Variants in KIRREL3 observed in about 807,000 individuals in gnomAD.
The protein encoded by KIRREL3 is kin of IRRE-like protein 3.
In KIRREL3, 36 loss-of-function variants were observed where a neutral mutation model predicts 89.7. That is an observed-to-expected ratio of 0.40 (90% CI 0.31 to 0.53). The LOEUF is 0.53. Ranked by LOEUF, KIRREL3 falls within the 20% of genes least tolerant of loss-of-function variation. The probability of loss-of-function intolerance (pLI) is 0.49; values close to 1 mark genes in which losing one functional copy is unlikely to be tolerated. For missense variants in KIRREL3, 864 were observed against 1,056.6 expected (o/e 0.82, Z 2.53); for synonymous variants, 445 against 441.4 (o/e 1.01, Z -0.10).
At chr11:126,596,477 T>C (rs1942401174) in intron 1 of KIRREL3, among the ~76,000 whole-genome samples, 1 of 152,246 alleles carries the variant, frequency 6.6e-6, no homozygotes, top group African/African-American at 2.4e-5. Flanking sequence ...TTCACTATAC[T>C]CTGTCCCTTC....
At chr11:126,470,992 A>G (rs12796090) in intron 5 of KIRREL3, among the ~76,000 whole-genome samples, 51,446 of 152,046 alleles carry the variant, frequency 0.34, 9,323 homozygotes, top group East Asian at 0.54. Context: ...GGGCTGTTTA[A>G]AAATGTACCC....
chr11:126,939,162 A>T (rs1046870818), intron 1 of KIRREL3, among the ~76,000 whole-genome samples: 1 of 152,190 alleles, frequency 6.6e-6, no homozygotes, highest in Admixed American at 6.5e-5. Flanking sequence ...GACTTAGAGG[A>T]GGGTGGTAAA....
rs2134441569 is a variant in KIRREL3 at position 126,817,081 on chromosome 11, T to C, written c.55+183374A>G. On this transcript the variant is annotated intron_variant, in intron 1 of 16. Coordinates refer to ENST00000525144, the MANE Select transcript of KIRREL3 (RefSeq NM_032531.4). The surrounding 1 kb of genome is among the most constrained non-coding windows in gnomAD (Gnocchi z 5.7). ...ACTTGTAGGCTTGCAGGGAGAAAAA[T>C]AACAAATGAGGAAAGCCAACACTAT... Among the ~76,000 whole-genome samples, 1 of 151,852 alleles carries C rather than the reference T, an allele frequency of 6.6e-6. No homozygotes were observed.
chr11:126,789,866 T>C (rs964365407), intron 1 of KIRREL3, among the ~76,000 whole-genome samples: 1 of 152,234 alleles, frequency 6.6e-6, no homozygotes, highest in Admixed American at 6.5e-5. Flanking sequence ...TTCTGGGCTG[T>C]ACTCTCTTTC....
intron 2 of KIRREL3, among the ~76,000 whole-genome samples, chr11:126,556,744 A>C (rs1308947538): frequency 1.3e-5 from 2 of 152,172 alleles, no homozygotes; most frequent in African/African-American, 4.8e-5. Context: ...TGGGCTGAGA[A>C]AAAGCTTTGG....
chr11:126,808,739 T>C lies in KIRREL3; in HGVS notation c.55+191716A>G, dbSNP rs75878642. Among the ~76,000 whole-genome samples, 2,821 of 152,264 alleles carry C rather than the reference T, an allele frequency of 0.019. 93 individuals are homozygous for C. Among genetic ancestry groups the C allele is most frequent in the African/African-American group, 0.065 (2,700 of 41,554 alleles). ...AACAACTTGCTTTCCAATTTCCACA[T>C]GCATATATAGAATGAATTGTTGAGA... On this transcript the variant is annotated intron_variant, in intron 1 of 16. Coordinates refer to ENST00000525144, the MANE Select transcript of KIRREL3 (RefSeq NM_032531.4). The surrounding 1 kb of genome is among the most constrained non-coding windows in gnomAD (Gnocchi z 4.1).
rs1301340938 is a variant in KIRREL3, at chr11:126,748,225, G to A, written c.56-185313C>T. ...GGATGCTTTCTGGCCTTCTGGGTGT[G>A]CAGACAATCTCACTGTTTCACCAGC... On this transcript the variant is annotated intron_variant, in intron 1 of 16. Coordinates refer to ENST00000525144, the MANE Select transcript of KIRREL3 (RefSeq NM_032531.4). The surrounding 1 kb of genome is among the most constrained non-coding windows in gnomAD (Gnocchi z 4.6). Among the ~76,000 whole-genome samples, 1 of 152,204 alleles carries A rather than the reference G, an allele frequency of 6.6e-6. No individual in the cohort carries two copies. Among genetic ancestry groups the A allele is most frequent in the Non-Finnish European group, 1.5e-5 (1 of 68,038 alleles).
intron 1 of KIRREL3, among the ~76,000 whole-genome samples, chr11:126,984,601 T>C (rs1049419618): frequency 4.6e-5 from 7 of 152,188 alleles, no homozygotes; most frequent in Non-Finnish European, 1.0e-4. Flanking sequence ...TTATGCCTCA[T>C]TTACAAGAGA....
At chr11:126,532,341 C>T (rs997257819) in intron 2 of KIRREL3, among the ~76,000 whole-genome samples, 64 of 152,052 alleles carry the variant, frequency 4.2e-4, no homozygotes, top group Admixed American at 1.7e-3. Context: ...ACCAACAAGG[C>T]AGCCTACTCA....
chr11:127,002,570 C>T (rs1205553559), upstream of KIRREL3, among the ~76,000 whole-genome samples: 18 of 152,174 alleles, frequency 1.2e-4, no homozygotes, highest in Admixed American at 1.2e-3. Context: ...CTGAAAATAA[C>T]TCTATGTATA....
chr11:126,922,117 GTCTGTCTATCTATCTATCTA>G (rs1245285338), intron 1 of KIRREL3, among the ~76,000 whole-genome samples: 2 of 122,560 alleles, frequency 1.6e-5, no homozygotes, highest in African/African-American at 6.0e-5. Flanking sequence ...CTATCTATCT[GTCTGTCTATCTATCTATCTA>G]TCTATCTATC....
chr11:126,699,936 G>A (rs1383740613), intron 1 of KIRREL3, among the ~76,000 whole-genome samples: 2 of 152,170 alleles, frequency 1.3e-5, no homozygotes, highest in Non-Finnish European at 2.9e-5. Flanking sequence ...GCTCATGTGT[G>A]TAATCCCAAC....
At position 126,628,793 on chromosome 11, in the gene KIRREL3, G is replaced by T. The variant is rs949286252; in HGVS notation, c.56-65881C>A. Among the ~76,000 whole-genome samples, 1 of 152,128 alleles carries T rather than the reference G, an allele frequency of 6.6e-6. No individual in the cohort carries two copies. Among genetic ancestry groups the T allele is most frequent in the Non-Finnish European group, 1.5e-5 (1 of 68,020 alleles). On this transcript the variant is annotated intron_variant, in intron 1 of 16. Coordinates refer to ENST00000525144, the MANE Select transcript of KIRREL3 (RefSeq NM_032531.4). This position sits in a 1 kb window ranked among gnomAD's most constrained non-coding sequence, Gnocchi z 5.2. ...GCCTGCTACCTGGAGCCAGGGCCTC[G>T]CCTCTACTGCCCCCTCCGCTCGCTC...
At chr11:126,984,075 A>T (rs1949789280) in intron 1 of KIRREL3, among the ~76,000 whole-genome samples, 1 of 152,114 alleles carries the variant, frequency 6.6e-6, no homozygotes, top group Admixed American at 6.5e-5. Flanking sequence ...GCCACATGGC[A>T]CCTTGTCTTG....
intron 1 of KIRREL3, among the ~76,000 whole-genome samples, chr11:126,974,598 A>T (rs1949518118): frequency 6.7e-6 from 1 of 148,260 alleles, no homozygotes; most frequent in Non-Finnish European, 1.5e-5. Flanking sequence ...ATAGCCCGTT[A>T]CACACCTAGG....
chr11:126,766,300 A>G lies in KIRREL3; in HGVS notation c.56-203388T>C, dbSNP rs1194891233. On this transcript the variant is annotated intron_variant, in intron 1 of 16. Coordinates refer to ENST00000525144, the MANE Select transcript of KIRREL3 (RefSeq NM_032531.4). The surrounding 1 kb of genome is among the most constrained non-coding windows in gnomAD (Gnocchi z 4.2). ...TTCCTGACAGCCTTGGTGCTATAATATGGTCCTGCCAAACCCATTACAGTA... is the reference window on the plus strand; with the variant it reads ...TTCCTGACAGCCTTGGTGCTATAATGTGGTCCTGCCAAACCCATTACAGTA... Among the ~76,000 whole-genome samples, 2 of 152,100 alleles carry G rather than the reference A, an allele frequency of 1.3e-5. No individual in the cohort carries two copies. The highest frequency in any genetic ancestry group is 1.9e-4 in the East Asian group (1 of 5,160).
chr11:126,562,961 CA>C lies in KIRREL3; in HGVS notation c.56-50del. On this transcript the variant is annotated intron_variant, in intron 1 of 16. Coordinates refer to ENST00000525144, the MANE Select transcript of KIRREL3 (RefSeq NM_032531.4). The surrounding 1 kb of genome is among the most constrained non-coding windows in gnomAD (Gnocchi z 4.7). The stretch of plus-strand genomic sequence containing the variant: ...GAGTTGGGAATGGGAACAGGTCAGG[CA>C]TTGTTGGGGGGCCCTCTGCAGGGGG... The C allele has an allele frequency of 6.8e-7, 1 of 1,477,302 alleles. No individual in the cohort carries two copies. The highest frequency in any genetic ancestry group is 9.4e-7 in the Non-Finnish European group (1 of 1,058,878). 91.5% of individuals were successfully genotyped at this position (1,477,302 alleles called of 1,614,324 possible). A position where few individuals can be genotyped will look rare whatever the true frequency, so the allele number is the denominator to read the frequency against.
At chr11:126,714,053 G>A (rs1294429702) in intron 1 of KIRREL3, among the ~76,000 whole-genome samples, 1 of 152,112 alleles carries the variant, frequency 6.6e-6, no homozygotes, top group Non-Finnish European at 1.5e-5. Flanking sequence ...ATCACATAGG[G>A]CCAGGGCTGG....
At position 126,605,767 on chromosome 11, in the gene KIRREL3, A is replaced by T. The variant is rs375855669; in HGVS notation, c.56-42855T>A. ...GGAGTGGGAATGGGGTGGGGAAAGC[A>T]TGGGGCATATGGGTAGAGAGTGAGG... On this transcript the variant is annotated intron_variant, in intron 1 of 16. Transcript: ENST00000525144. The surrounding 1 kb of genome is among the most constrained non-coding windows in gnomAD (Gnocchi z 5.7). Among the ~76,000 whole-genome samples, 21 of 152,322 alleles carry T rather than the reference A, an allele frequency of 1.4e-4. No individual in the cohort carries two copies. The highest frequency in any genetic ancestry group is 7.7e-4 in the East Asian group (4 of 5,188).
Sources: allele counts gnomAD v4.1 joint callset (sites outside exome capture counted in the v4.1 genomes callset), GRCh38; gene constraint gnomAD v4.1.1; non-coding constraint Gnocchi (gnomAD v3.1); transcripts MANE v1.5; gene names NCBI Gene and HGNC (gene_info 2026-07-23, HGNC 2026-07-21).